CD226: variants seen among roughly 807,000 people sequenced by gnomAD.
The protein encoded by CD226 is CD226 molecule.
In CD226, 24 loss-of-function variants were observed where a neutral mutation model predicts 34.9. That is an observed-to-expected ratio of 0.69 (90% CI 0.50 to 0.97). The LOEUF (loss-of-function observed/expected upper bound fraction) is 0.97, where lower values mean the gene tolerates loss of function less well. Ranked by LOEUF, CD226 falls within the 50% of genes least tolerant of loss-of-function variation. The pLI is 0.00. For missense variants in CD226, 397 were observed against 412.7 expected (o/e 0.96, Z 0.33); for synonymous variants, 148 against 147.4 (o/e 1.00, Z -0.03).
intron 2 of CD226, among the ~76,000 whole-genome samples, chr18:69,906,732 G>A (rs1331035261): frequency 6.6e-6 from 1 of 152,168 alleles, no homozygotes; most frequent in Non-Finnish European, 1.5e-5. Flanking sequence ...AATGACGAAT[G>A]GGAAGAACTG....
intron 4 of CD226, among the ~76,000 whole-genome samples, chr18:69,868,803 G>GCGCACACACA (rs113731126): frequency 7.3e-5 from 11 of 150,904 alleles, no homozygotes; most frequent in Non-Finnish European, 1.5e-4. Flanking sequence ...GCGCGTGCAC[G>GCGCACACACA]CACACACACA....
At chr18:69,898,839 A>G (rs1269214577) in intron 2 of CD226, among the ~76,000 whole-genome samples, 1 of 152,226 alleles carries the variant, frequency 6.6e-6, no homozygotes, top group Non-Finnish European at 1.5e-5. Context: ...AAGAACTGCC[A>G]GAAAGAGCCC....
At chr18:69,933,147 T>C (rs10048373) in intron 2 of CD226, among the ~76,000 whole-genome samples, 18,402 of 152,140 alleles carry the variant, frequency 0.12, 3,138 homozygotes, top group African/African-American at 0.38. Context: ...TGCCTGCTTT[T>C]GTGCCTCCTA....
intron 2 of CD226, among the ~76,000 whole-genome samples, chr18:69,905,454 T>A (rs1349828347): frequency 6.6e-6 from 1 of 152,110 alleles, no homozygotes; most frequent in Non-Finnish European, 1.5e-5. Context: ...ATAGACTTGC[T>A]GTGGCAAAGG....
At chr18:69,897,193 T>G (rs2145249782) in intron 2 of CD226, among the ~76,000 whole-genome samples, 1 of 152,318 alleles carries the variant, frequency 6.6e-6, no homozygotes, top group Non-Finnish European at 1.5e-5. Flanking sequence ...GTTTTAAATT[T>G]TGCTCAATAT....
intron 4 of CD226, among the ~76,000 whole-genome samples, chr18:69,870,666 A>G (rs1983468544): frequency 6.6e-6 from 1 of 152,106 alleles, no homozygotes; most frequent in Non-Finnish European, 1.5e-5. Flanking sequence ...CTGCATGAAA[A>G]CAGCACAAAC....
At chr18:69,892,787 G>A (rs559301714) in intron 3 of CD226, among the ~76,000 whole-genome samples, 80 of 152,162 alleles carry the variant, frequency 5.3e-4, no homozygotes, top group African/African-American at 1.8e-3. Flanking sequence ...GCATGTGTGT[G>A]TGTGTGTATG....
chr18:69,958,405 G>A (rs1048827170), upstream of CD226, among the ~76,000 whole-genome samples: 12 of 152,030 alleles, frequency 7.9e-5, no homozygotes, highest in Non-Finnish European at 1.5e-5. Context: ...CCATCGTTGG[G>A]GCTGCTTTTT....
At chr18:69,918,693 CTG>C (rs2055415410) in intron 2 of CD226, among the ~76,000 whole-genome samples, 1 of 152,170 alleles carries the variant, frequency 6.6e-6, no homozygotes, top group African/African-American at 2.4e-5. Flanking sequence ...GTAAAATGCA[CTG>C]TGAGCTCTGT....
intron 2 of CD226, among the ~76,000 whole-genome samples, chr18:69,934,279 T>TACAC (rs760259895): frequency 0.031 from 2,270 of 73,172 alleles, 55 homozygotes; most frequent in African/African-American, 0.054. Flanking sequence ...ACACAGAGGA[T>TACAC]ACACACACAC....
At chr18:69,914,791 A>T (rs1416143276) in intron 2 of CD226, among the ~76,000 whole-genome samples, 1 of 152,232 alleles carries the variant, frequency 6.6e-6, no homozygotes, top group Non-Finnish European at 1.5e-5. Context: ...ATTGCAAAGG[A>T]AAGTCAAAGG....
rs1175253369 is a variant in CD226 at position 69,861,458 on chromosome 18, A to G, written c.*2856T>C. ...TATTATAACAAAGTAATTTCCTTTCATTGGTTACTTTAACATAAATATTAA... is the reference window on the plus strand; with the variant it reads ...TATTATAACAAAGTAATTTCCTTTCGTTGGTTACTTTAACATAAATATTAA... On this transcript the variant is annotated 3_prime_UTR_variant, in exon 6 of 6. Coordinates refer to ENST00000582621, the MANE Select transcript of CD226 (RefSeq NM_001303618.2). 6.7e-6 allele frequency: 1 copy of G among 149,856 alleles called. No homozygotes were observed. Among genetic ancestry groups the G allele is most frequent in the Non-Finnish European group, 1.5e-5 (1 of 67,444 alleles). 9.3% of individuals were successfully genotyped at this position (149,856 alleles called of 1,614,324 possible). A position where few individuals can be genotyped will look rare whatever the true frequency, so the allele number is the denominator to read the frequency against.
In CD226 at chr18:69,863,573, A is replaced by G. The variant is rs985150281; in HGVS notation, c.*741T>C. On this transcript the variant is annotated 3_prime_UTR_variant, in exon 6 of 6. Transcript: ENST00000582621. ...GAGTGGATTCTAGAAGTATGGACAG[A>G]GATACCCCATTTCTAGAATCCATCC... 5 of 152,176 alleles carry G rather than the reference A, an allele frequency of 3.3e-5. No individual in the cohort carries two copies. Among genetic ancestry groups the G allele is most frequent in the African/African-American group, 1.2e-4 (5 of 41,436 alleles). 9.4% of individuals were successfully genotyped at this position (152,176 alleles called of 1,614,324 possible).
chr18:69,897,454 C>A (rs1243543518), intron 2 of CD226, among the ~76,000 whole-genome samples: 1 of 152,166 alleles, frequency 6.6e-6, no homozygotes, highest in African/African-American at 2.4e-5. Context: ...CAAATCCTGA[C>A]CTGCTATTTC....
upstream of CD226, among the ~76,000 whole-genome samples, chr18:69,952,748 G>C (rs111799572): frequency 5.3e-5 from 8 of 152,238 alleles, no homozygotes; most frequent in African/African-American, 1.9e-4. Context: ...AAATAAATTG[G>C]ACTTACTAAA....
intron 2 of CD226, among the ~76,000 whole-genome samples, chr18:69,927,637 T>G (rs1278572350): frequency 6.6e-6 from 1 of 152,230 alleles, no homozygotes; most frequent in Non-Finnish European, 1.5e-5. Flanking sequence ...AAGTATTTGT[T>G]GTCTTGTGAC....
At chr18:69,886,362 C>T (rs139061073) in intron 3 of CD226, among the ~76,000 whole-genome samples, 29 of 152,282 alleles carry the variant, frequency 1.9e-4, no homozygotes, top group African/African-American at 6.7e-4. Flanking sequence ...CCCTGTGACA[C>T]GTAATTCTTA....
At chr18:69,892,310 T>C (rs577785366) in intron 3 of CD226, among the ~76,000 whole-genome samples, 2 of 152,342 alleles carry the variant, frequency 1.3e-5, no homozygotes, top group South Asian at 2.1e-4. Context: ...TTAGCTAATA[T>C]TAAAATATTT....
At chr18:69,880,588 A>C (rs968409813) in intron 3 of CD226, among the ~76,000 whole-genome samples, 3 of 152,018 alleles carry the variant, frequency 2.0e-5, no homozygotes, top group African/African-American at 7.2e-5. Context: ...GGAGGGAGAT[A>C]ATGGGAGTTG....
Sources: allele counts gnomAD v4.1 joint callset (sites outside exome capture counted in the v4.1 genomes callset), GRCh38; gene constraint gnomAD v4.1.1; transcripts MANE v1.5; gene names NCBI Gene and HGNC (gene_info 2026-07-23, HGNC 2026-07-21).